CARMIL1: variants seen among roughly 807,000 people sequenced by gnomAD.
CARMIL1 encodes F-actin-uncapping protein LRRC16A.
A neutral mutation model predicts 177.1 loss-of-function variants in CARMIL1; 90 were observed. The observed-to-expected ratio is 0.51, with a 90% CI of 0.43 to 0.61. CARMIL1 has a LOEUF of 0.61. Among genes scored for constraint, CARMIL1 ranks in the 20% least tolerant of loss-of-function variants. The pLI is 0.00. For synonymous variants in CARMIL1, 577 were observed against 606.2 expected (o/e 0.95, Z 0.71); for missense variants, 1,380 against 1,667.0 (o/e 0.83, Z 3.00).
intron 3 of CARMIL1, among the ~76,000 whole-genome samples, chr6:25,423,522 G>A (rs1796038654): frequency 6.6e-6 from 1 of 152,240 alleles, no homozygotes; most frequent in African/African-American, 2.4e-5. Flanking sequence ...GAGCTGGAGT[G>A]TGGGCTGAGG....
chr6:25,563,348 A>T (rs1424916767), intron 29 of CARMIL1: 2 of 985,182 alleles, frequency 2.0e-6, no homozygotes, highest in Non-Finnish European at 2.4e-6. Flanking sequence ...TTAATTTCTG[A>T]GTTAAACAAT....
chr6:25,420,322 G>T, intron 3 of CARMIL1, 158 bp downstream of exon 3: 1 of 718,286 alleles, frequency 1.4e-6, no homozygotes. Context: ...GATTTAAGCT[G>T]TGTTCAGATT....
At chr6:25,524,826 T>A (rs1806931855) in intron 23 of CARMIL1, among the ~76,000 whole-genome samples, 1 of 152,042 alleles carries the variant, frequency 6.6e-6, no homozygotes, top group African/African-American at 2.4e-5. Flanking sequence ...AAGAAACCTG[T>A]AACAGAAATG....
chr6:25,317,599 C>T (rs1784379231), intron 2 of CARMIL1, among the ~76,000 whole-genome samples: 2 of 127,636 alleles, frequency 1.6e-5, no homozygotes, highest in South Asian at 2.7e-4. Flanking sequence ...TGGGGGATCT[C>T]ATCGTCACCC....
At chr6:25,387,718 G>GGTTGC (rs1256717945) in intron 2 of CARMIL1, among the ~76,000 whole-genome samples, 1 of 152,142 alleles carries the variant, frequency 6.6e-6, no homozygotes, top group East Asian at 1.9e-4. Context: ...TTTGTTTTTT[G>GGTTGC]GTTGCAGTGA....
At chr6:25,383,335 T>C (rs1463291637) in intron 2 of CARMIL1, among the ~76,000 whole-genome samples, 2 of 152,104 alleles carry the variant, frequency 1.3e-5, no homozygotes, top group Non-Finnish European at 2.9e-5. Flanking sequence ...ATTCTAAAGT[T>C]TTTTTGAAGT....
At chr6:25,583,789 G>A (rs574992088) in intron 31 of CARMIL1, among the ~76,000 whole-genome samples, 2 of 152,036 alleles carry the variant, frequency 1.3e-5, no homozygotes, top group East Asian at 3.9e-4. Context: ...TTTAAAATAA[G>A]GGAAATACTT....
rs755643072 is a variant in CARMIL1 at position 25,428,208 on chromosome 6, C to A, written c.249+1648C>A. Among the ~76,000 whole-genome samples the A allele has an allele frequency of 1.6e-4, 24 of 152,152 alleles. 1 individual carries two copies. The highest frequency in any genetic ancestry group is 3.2e-4 in the Non-Finnish European group (22 of 67,976). On this transcript the variant is annotated intron_variant, in intron 4 of 36. Coordinates refer to ENST00000329474, the MANE Select transcript of CARMIL1 (RefSeq NM_017640.6). ...TTTGAATATAAAGCTATGTATAGAT[C>A]AAAATTTTTTTTTAGTTTGTCTTTT... is the stretch of plus-strand genomic sequence containing the variant.
intron 9 of CARMIL1, among the ~76,000 whole-genome samples, chr6:25,470,101 T>C (rs1042161106): frequency 6.6e-6 from 1 of 152,098 alleles, no homozygotes; most frequent in South Asian, 2.1e-4. Context: ...TTTTTTGACA[T>C]TTTTTATTAC....
intron 36 of CARMIL1, among the ~76,000 whole-genome samples, chr6:25,617,875 A>T (rs114792422): frequency 6.6e-6 from 1 of 152,220 alleles, no homozygotes; most frequent in Admixed American, 6.5e-5. Flanking sequence ...ATTGCACTTC[A>T]GTTTGGGTGA....
intron 2 of CARMIL1, among the ~76,000 whole-genome samples, chr6:25,396,261 A>G (rs1243999476): frequency 2.0e-5 from 3 of 152,158 alleles, no homozygotes; most frequent in Admixed American, 6.5e-5. Context: ...ATTGCTTTCA[A>G]AATTTCTCAC....
At chr6:25,452,152 G>A (rs774389926) in intron 8 of CARMIL1, 12 of 764,898 alleles carry the variant, frequency 1.6e-5, no homozygotes, top group African/African-American at 3.4e-5. Context: ...CTGGGACTAC[G>A]GAAGATGGTG....
intron 2 of CARMIL1, among the ~76,000 whole-genome samples, chr6:25,297,050 C>T (rs954954612): frequency 1.3e-5 from 2 of 152,236 alleles, no homozygotes; most frequent in Non-Finnish European, 2.9e-5. Context: ...ATCTTGGCCT[C>T]CTGAGTGTCT....
intron 7 of CARMIL1, 47 bp downstream of exon 7, chr6:25,450,456 A>T: frequency 6.8e-7 from 1 of 1,460,454 alleles, no homozygotes. Flanking sequence ...ACTCCTGGAG[A>T]ATATTCTAAT....
At chr6:25,421,656 A>C (rs947808162) in intron 3 of CARMIL1, among the ~76,000 whole-genome samples, 6 of 148,456 alleles carry the variant, frequency 4.0e-5, no homozygotes, top group African/African-American at 1.5e-4. Flanking sequence ...TGGATTAAGA[A>C]AATGTGGCAC....
At chr6:25,594,377 G>T (rs920500787) in intron 31 of CARMIL1, 38 bp from the exon 32 acceptor site, 2 of 1,269,856 alleles carry the variant, frequency 1.6e-6, no homozygotes, top group Non-Finnish European at 2.3e-6. Flanking sequence ...CTAAATCAAG[G>T]TGCATGTGAA....
chr6:25,342,513 A>C (rs2744233), intron 2 of CARMIL1, among the ~76,000 whole-genome samples: 84,417 of 151,922 alleles, frequency 0.56, 23,721 homozygotes, highest in African/African-American at 0.64. Context: ...AATCTGTAAC[A>C]GTGTTACATT....
intron 4 of CARMIL1, among the ~76,000 whole-genome samples, chr6:25,431,053 T>C (rs992473996): frequency 1.3e-5 from 2 of 152,188 alleles, no homozygotes; most frequent in African/African-American, 2.4e-5. Context: ...TTAGGGTACA[T>C]GTGCACAATG....
At chr6:25,547,119 C>G (rs2151154529) in intron 26 of CARMIL1, among the ~76,000 whole-genome samples, 1 of 152,086 alleles carries the variant, frequency 6.6e-6, no homozygotes, top group African/African-American at 2.4e-5. Context: ...GGAAATAAAT[C>G]ACACAAAAAT....
Sources: gnomAD v4.1 joint callset for allele counts (sites outside exome capture counted in the v4.1 genomes callset) on GRCh38, gnomAD v4.1.1 for gene constraint, MANE v1.5 for transcripts, NCBI Gene and HGNC (gene_info 2026-07-23, HGNC 2026-07-21) for gene names.